The following PTGER3 variants were observed in gnomAD, a reference collection of about 807,000 sequenced individuals.
PTGER3 encodes the protein prostaglandin E2 receptor EP3 subtype.
PTGER3 carries 22 observed loss-of-function variants against 34.7 expected under a neutral mutation model. That is an observed-to-expected ratio of 0.63 (90% confidence interval 0.45 to 0.91). PTGER3 has a LOEUF of 0.91. Ranked by LOEUF, PTGER3 falls within the 40% of genes least tolerant of loss-of-function variation. The probability of loss-of-function intolerance (pLI) is 0.00; values close to 1 mark genes in which losing one functional copy is unlikely to be tolerated. For missense variants in PTGER3, 468 were observed against 519.4 expected (o/e 0.90, Z 0.96); for synonymous variants, 241 against 230.1 (o/e 1.05, Z -0.43).
At chr1:70,856,381 A>C (rs972488455) in intron 4 of PTGER3, among the ~76,000 whole-genome samples, 2 of 148,938 alleles carry the variant, frequency 1.3e-5, no homozygotes, top group Admixed American at 6.8e-5. Flanking sequence ...TGGAAGTTGC[A>C]GTGAGTCGAT....
chr1:70,906,993 T>G (rs1420014715), intron 4 of PTGER3, among the ~76,000 whole-genome samples: 1 of 152,232 alleles, frequency 6.6e-6, no homozygotes, highest in Non-Finnish European at 1.5e-5. Context: ...AAGTGTTTCC[T>G]CATTAATCAG....
chr1:70,913,993 C>A (rs1354268554), intron 4 of PTGER3, among the ~76,000 whole-genome samples: 1 of 151,754 alleles, frequency 6.6e-6, no homozygotes, highest in Non-Finnish European at 1.5e-5. Context: ...TAGAAGCCAG[C>A]TTTATAGAAT....
chr1:70,988,882 C>A (rs1454763934), intron 2 of PTGER3, among the ~76,000 whole-genome samples: 1 of 152,078 alleles, frequency 6.6e-6, no homozygotes, highest in Non-Finnish European at 1.5e-5. Flanking sequence ...ATAAAGGAAA[C>A]CAAGAGCTTT....
At position 71,047,111 on chromosome 1, in the gene PTGER3, G is replaced by A; in HGVS notation, c.467C>T (p.Ala156Val). The change falls in exon 1 of 4, where the codon GCG (alanine) becomes GTG (valine). Residue 156 changes from alanine (A) to valine (V), a missense_variant. This residue lies in a region of PTGER3 where 53 missense variants were observed against 93.9 expected (regional missense o/e 0.56). Transcript: ENST00000306666. ...FIASAMAVER[A>V]LAIRAPHWYA... is the part of the protein sequence containing the mutation. The stretch of plus-strand genomic sequence containing the variant: ...CCAGTGCGGCGCCCTGATGGCCAGC[G>A]CCCGCTCGACGGCCATGGCGCTGGC... The A allele has an allele frequency of 6.2e-7, 1 of 1,604,440 alleles. No individual in the cohort carries two copies. Among genetic ancestry groups the A allele is most frequent in the Non-Finnish European group, 8.5e-7 (1 of 1,175,960 alleles).
intron 4 of PTGER3, among the ~76,000 whole-genome samples, chr1:70,944,381 G>T (rs1426770378): frequency 1.3e-5 from 2 of 152,056 alleles, no homozygotes; most frequent in Non-Finnish European, 2.9e-5. Context: ...GCTCCTGGTT[G>T]CCCTGTTACC....
downstream of PTGER3, among the ~76,000 whole-genome samples, chr1:70,967,137 T>A (rs1244663223): frequency 6.6e-6 from 1 of 152,158 alleles, no homozygotes; most frequent in African/African-American, 2.4e-5. Context: ...AAAGACTTCC[T>A]TGTACTACTT....
At chr1:70,928,706 G>A (rs992966242) in intron 4 of PTGER3, among the ~76,000 whole-genome samples, 5 of 152,028 alleles carry the variant, frequency 3.3e-5, no homozygotes, top group Non-Finnish European at 7.4e-5. Context: ...ATTGGAAACC[G>A]GAGAAACTTA....
At chr1:71,007,368 T>C in intron 2 of PTGER3, 1 of 985,854 alleles carries the variant, frequency 1.0e-6, no homozygotes, top group East Asian at 1.1e-4. Flanking sequence ...TTTTTTTCTC[T>C]TTCAAGGAAG....
chr1:70,965,018 C>T (rs1652364114), intron 2 of PTGER3, among the ~76,000 whole-genome samples: 1 of 152,102 alleles, frequency 6.6e-6, no homozygotes, highest in Non-Finnish European at 1.5e-5. Context: ...GGAAGTGGTA[C>T]TTCTGTTGAA....
rs776197567 is a variant in PTGER3 at position 70,952,948 on chromosome 1, TG to T, written c.1215del (p.Ser405ArgfsTer11). On this transcript the variant is annotated frameshift_variant, in exon 4 of 4. Transcript: ENST00000356595. LOFTEE classifies it low-confidence loss of function (END_TRUNC). ...GTTGAGATTCTGGTGTACACATTAA[TG>T]CTGCTCACGAGTACCTCCATTTCTT... The T allele has an allele frequency of 1.2e-6, 2 of 1,613,246 alleles. No homozygotes were observed. The highest frequency in any genetic ancestry group is 4.5e-5 in the East Asian group (2 of 44,870).
At chr1:70,867,751 T>A (rs984702716) in intron 4 of PTGER3, among the ~76,000 whole-genome samples, 1 of 151,854 alleles carries the variant, frequency 6.6e-6, no homozygotes, top group Non-Finnish European at 1.5e-5. Flanking sequence ...TCTGGAAAGA[T>A]AAAAATCCTG....
At chr1:71,000,331 C>G (rs914262887) in intron 2 of PTGER3, among the ~76,000 whole-genome samples, 2 of 152,212 alleles carry the variant, frequency 1.3e-5, no homozygotes, top group African/African-American at 4.8e-5. Context: ...ATAACACCTA[C>G]CTGCTGTCAT....
intron 1 of PTGER3, among the ~76,000 whole-genome samples, chr1:71,032,098 T>G (rs757522515): frequency 1.5e-4 from 23 of 152,216 alleles, no homozygotes; most frequent in Non-Finnish European, 2.9e-4. Flanking sequence ...AAAAGCTGGT[T>G]GCCAGAATAA....
At chr1:70,954,681 A>G (rs913450224) in intron 2 of PTGER3, among the ~76,000 whole-genome samples, 2 of 152,072 alleles carry the variant, frequency 1.3e-5, no homozygotes, top group Non-Finnish European at 2.9e-5. Context: ...CCCTTTCACT[A>G]TTACAGTTTT....
chr1:70,985,373 T>G (rs1276345433), intron 2 of PTGER3, among the ~76,000 whole-genome samples: 3 of 152,104 alleles, frequency 2.0e-5, no homozygotes, highest in Non-Finnish European at 4.4e-5. Context: ...CTGAACACCA[T>G]AGAGACTGCC....
chr1:70,864,476 A>G (rs1224349446), intron 4 of PTGER3, among the ~76,000 whole-genome samples: 1 of 152,210 alleles, frequency 6.6e-6, no homozygotes, highest in African/African-American at 2.4e-5. Context: ...AGGACATTGG[A>G]AAGGAAAATC....
chr1:70,973,245 A>AGAT (rs947942036), intron 3 of PTGER3, among the ~76,000 whole-genome samples: 1 of 150,658 alleles, frequency 6.6e-6, no homozygotes, highest in Non-Finnish European at 1.5e-5. Flanking sequence ...ATAGATAGAT[A>AGAT]GATAGATAGA....
At chr1:70,913,407 AC>A (rs1224085907) in intron 4 of PTGER3, among the ~76,000 whole-genome samples, 1 of 151,806 alleles carries the variant, frequency 6.6e-6, no homozygotes, top group African/African-American at 2.4e-5. Context: ...ATTCTTGAGG[AC>A]TTTTTACATA....
At chr1:71,037,598 T>C (rs1206754484) in intron 1 of PTGER3, among the ~76,000 whole-genome samples, 2 of 152,228 alleles carry the variant, frequency 1.3e-5, no homozygotes, top group African/African-American at 4.8e-5. Context: ...TTACGTATTT[T>C]CCCCCATATA....
Sources: allele counts gnomAD v4.1 joint callset (sites outside exome capture counted in the v4.1 genomes callset), GRCh38; gene constraint gnomAD v4.1.1; regional missense constraint gnomAD v4.1.1; transcripts MANE v1.5; gene names NCBI Gene and HGNC (gene_info 2026-07-23, HGNC 2026-07-21).